The following PLD5 variants were observed in gnomAD, a reference collection of about 807,000 sequenced individuals.
PLD5 encodes the protein phospholipase D family member 5, also known as inactive phospholipase D5.
Under a neutral mutation model 61.1 loss-of-function variants are expected in PLD5, and 36 were observed. The ratio of observed to expected loss-of-function variants is 0.59; its 90% CI spans 0.45 to 0.78. The LOEUF (loss-of-function observed/expected upper bound fraction) is 0.78. Among genes scored for constraint, PLD5 ranks in the 30% least tolerant of loss-of-function variants. The pLI is 0.00. For synonymous variants in PLD5, 243 were observed against 242.8 expected (o/e 1.00, Z -0.01); for missense variants, 515 against 644.4 (o/e 0.80, Z 2.17).
chr1:242,472,317 T>C (rs553352286), intron 1 of PLD5, among the ~76,000 whole-genome samples: 1 of 152,354 alleles, frequency 6.6e-6, no homozygotes, highest in East Asian at 1.9e-4. Context: ...GAGCACACTT[T>C]GTTTGCTTCG....
chr1:242,203,109 CTTGA>C (rs1669086270), intron 5 of PLD5, among the ~76,000 whole-genome samples: 1 of 152,198 alleles, frequency 6.6e-6, no homozygotes, highest in South Asian at 2.1e-4. Flanking sequence ...ATGAGCAGGA[CTTGA>C]TTAACGATGG....
chr1:242,298,421 T>C (rs1675840654), intron 2 of PLD5, among the ~76,000 whole-genome samples: 1 of 152,158 alleles, frequency 6.6e-6, no homozygotes, highest in Non-Finnish European at 1.5e-5. Flanking sequence ...GGATCTTAGT[T>C]TGAGAGATGA....
At chr1:242,294,349 C>T (rs1675532450) in intron 2 of PLD5, among the ~76,000 whole-genome samples, 1 of 152,058 alleles carries the variant, frequency 6.6e-6, no homozygotes, top group African/African-American at 2.4e-5. Context: ...ATTTATTCTC[C>T]AAACTTAATG....
rs543909188 is a variant in PLD5, at chr1:242,107,094, C to T, written c.1239+577G>A. Among the ~76,000 whole-genome samples, 295 of 152,154 alleles carry T rather than the reference C, an allele frequency of 1.9e-3. 1 individual carries two copies. Among genetic ancestry groups the T allele is most frequent in the African/African-American group, 6.5e-3 (269 of 41,526 alleles). ...GGACCCAGACGACGAGGCATCTGGG[C>T]GGGGGGTCTGTGTGCTGCTGCATGC... On this transcript the variant is annotated intron_variant, in intron 8 of 9. Transcript: ENST00000536534.
intron 1 of PLD5, among the ~76,000 whole-genome samples, chr1:242,461,093 A>T (rs1667105935): frequency 6.6e-6 from 1 of 152,190 alleles, no homozygotes; most frequent in Admixed American, 6.5e-5. Context: ...GTGAGCCAAG[A>T]TCGCGCCAGT....
rs556601875 is a variant in PLD5 at position 242,243,195 on chromosome 1, G to A, written c.607+22142C>T. Among the ~76,000 whole-genome samples, 9 of 152,340 alleles carry A rather than the reference G, an allele frequency of 5.9e-5. No homozygotes were observed. The East Asian group carries it at 1.2e-3, about 20-fold the overall frequency. On this transcript the variant is annotated intron_variant, in intron 4 of 9. Transcript: ENST00000536534. ...AGGGCCTGCTGTGTCTTACGCGAGC[G>A]TAAAGGCTGAGCTGACGAGGGGAGG...
At chr1:242,349,063 A>G (rs538387171) in intron 1 of PLD5, among the ~76,000 whole-genome samples, 1 of 152,166 alleles carries the variant, frequency 6.6e-6, no homozygotes, top group Non-Finnish European at 1.5e-5. Context: ...CAAACAAACA[A>G]ACAAACAAAA....
intron 5 of PLD5, among the ~76,000 whole-genome samples, chr1:242,167,852 T>G (rs1307262980): frequency 6.6e-6 from 1 of 152,230 alleles, no homozygotes; most frequent in Non-Finnish European, 1.5e-5. Context: ...TAGACACCCT[T>G]TTGTGCAGAG....
At chr1:242,333,896 C>T (rs1659344608) in intron 2 of PLD5, among the ~76,000 whole-genome samples, 1 of 152,126 alleles carries the variant, frequency 6.6e-6, no homozygotes, top group Non-Finnish European at 1.5e-5. Flanking sequence ...ATTTACCCAT[C>T]CATTGATGAG....
At chr1:242,499,418 G>A (rs1668480400) in intron 1 of PLD5, among the ~76,000 whole-genome samples, 2 of 152,170 alleles carry the variant, frequency 1.3e-5, no homozygotes, top group Admixed American at 1.3e-4. Context: ...TGCTAATAAT[G>A]TATCTTAGCC....
At chr1:242,132,952 C>T (rs1663407238) in intron 5 of PLD5, among the ~76,000 whole-genome samples, 1 of 151,972 alleles carries the variant, frequency 6.6e-6, no homozygotes, top group Non-Finnish European at 1.5e-5. Flanking sequence ...AAAACCCCAC[C>T]ACTCCACACC....
At chr1:242,178,558 T>G (rs1667320759) in intron 5 of PLD5, among the ~76,000 whole-genome samples, 1 of 152,174 alleles carries the variant, frequency 6.6e-6, no homozygotes, top group Admixed American at 6.6e-5. Flanking sequence ...AGCATAGGTT[T>G]TCAGGAAGAC....
At position 242,348,850 on chromosome 1, in the gene PLD5, C is replaced by G. The variant is rs1004139630; in HGVS notation, c.190-608G>C. ...CGGGCAGATCATGAGGTCAGGAGATCAAGACCGTCCTGGCTAACACGGTGA... is the reference window on the plus strand; with the variant it reads ...CGGGCAGATCATGAGGTCAGGAGATGAAGACCGTCCTGGCTAACACGGTGA... On this transcript the variant is annotated intron_variant, in intron 1 of 9. Transcript: ENST00000536534. 2.8e-4 allele frequency among the ~76,000 whole-genome samples: 42 copies of G among 152,252 alleles called. 1 individual carries two copies. The highest frequency in any genetic ancestry group is 3.9e-4 in the East Asian group (2 of 5,150).
intron 5 of PLD5, among the ~76,000 whole-genome samples, chr1:242,174,553 G>T (rs1666989000): frequency 6.6e-6 from 1 of 151,966 alleles, no homozygotes; most frequent in African/African-American, 2.4e-5. Context: ...TACTGGGTAT[G>T]TACCCAAAGG....
intron 1 of PLD5, among the ~76,000 whole-genome samples, chr1:242,485,987 G>T (rs1406504823): frequency 6.6e-6 from 1 of 152,050 alleles, no homozygotes; most frequent in Non-Finnish European, 1.5e-5. Context: ...TTTAATAAAT[G>T]GTGCTGGGAA....
intron 5 of PLD5, among the ~76,000 whole-genome samples, chr1:242,166,640 CTTTAGT>C (rs1666326062): frequency 6.6e-6 from 1 of 152,230 alleles, no homozygotes; most frequent in African/African-American, 2.4e-5. Flanking sequence ...TTTTCCACCT[CTTTAGT>C]TACTGACTCA....
intron 2 of PLD5, among the ~76,000 whole-genome samples, chr1:242,296,966 T>G (rs902350936): frequency 4.6e-5 from 7 of 152,162 alleles, no homozygotes; most frequent in African/African-American, 1.7e-4. Context: ...CATCAAGCAA[T>G]CCTTCCAAAG....
rs552380833 is a variant in PLD5, at chr1:242,425,985, T to A, written c.190-77743A>T. On this transcript the variant is annotated intron_variant, in intron 1 of 9. Coordinates refer to ENST00000536534, the MANE Select transcript of PLD5 (RefSeq NM_001372062.1). ...TTAGTCTATAAACTTTCTAATTTTT[T>A]AACTTTGACTCTTGTATTAACACTT... Among the ~76,000 whole-genome samples, 4 of 152,278 alleles carry A rather than the reference T, an allele frequency of 2.6e-5. No homozygotes were observed. The East Asian group carries it at 7.7e-4, about 29-fold the overall frequency.
intron 1 of PLD5, among the ~76,000 whole-genome samples, chr1:242,437,061 A>G (rs1474077046): frequency 1.3e-5 from 2 of 152,230 alleles, no homozygotes; most frequent in East Asian, 3.9e-4. Flanking sequence ...TTTATATGTG[A>G]TCTCGATTAG....
Sources: allele counts gnomAD v4.1 joint callset (sites outside exome capture counted in the v4.1 genomes callset), GRCh38; gene constraint gnomAD v4.1.1; transcripts MANE v1.5; gene names NCBI Gene and HGNC (gene_info 2026-07-23, HGNC 2026-07-21).